IL1RAPL2: variants seen among roughly 807,000 people sequenced by gnomAD.
The protein encoded by IL1RAPL2 is interleukin 1 receptor accessory protein like 2.
Under a neutral mutation model 44.1 loss-of-function variants are expected in IL1RAPL2, and 3 were observed. The observed-to-expected ratio is 0.07, with a 90% CI of 0.03 to 0.18. IL1RAPL2 has a LOEUF of 0.18. Ranked by LOEUF, IL1RAPL2 falls within the 10% of genes least tolerant of loss-of-function variation. IL1RAPL2 has a pLI of 1.00. For missense variants in IL1RAPL2, 391 were observed against 496.4 expected (o/e 0.79, Z 2.02); for synonymous variants, 181 against 178.8 (o/e 1.01, Z -0.10).
chrX:105,647,760 A>G (rs1439172826), intron 6 of IL1RAPL2, among the ~76,000 whole-genome samples: 2 of 112,433 alleles, frequency 1.8e-5, no homozygotes, highest in Non-Finnish European at 3.7e-5. Flanking sequence ...TCTCCTCAAT[A>G]GTCACAACAG....
chrX:105,681,762 A>C (rs1280830223), intron 6 of IL1RAPL2, among the ~76,000 whole-genome samples: 1 of 112,011 alleles, frequency 8.9e-6, no homozygotes, highest in Admixed American at 9.4e-5. Flanking sequence ...TGTCTCAAAA[A>C]AAAAAAATTA....
intron 2 of IL1RAPL2, among the ~76,000 whole-genome samples, chrX:104,976,182 C>G (rs1569354454): frequency 9.0e-6 from 1 of 111,471 alleles, no homozygotes; most frequent in African/African-American, 3.3e-5. Context: ...TTCTTTTTCT[C>G]TAAGCTGAAT....
chrX:104,672,046 C>T (rs1930615394), intron 2 of IL1RAPL2, among the ~76,000 whole-genome samples: 1 of 111,683 alleles, frequency 9.0e-6, no homozygotes, highest in African/African-American at 3.3e-5. Flanking sequence ...GTGGTATGAA[C>T]TAGCTAAGAA....
At chrX:104,606,517 G>A (rs1929015766) in intron 1 of IL1RAPL2, among the ~76,000 whole-genome samples, 1 of 111,806 alleles carries the variant, frequency 8.9e-6, no homozygotes, top group Non-Finnish European at 1.9e-5. Context: ...TAGGAAGGGA[G>A]GAATTCAAAT....
intron 6 of IL1RAPL2, among the ~76,000 whole-genome samples, chrX:105,516,738 C>T (rs2036517490): frequency 8.9e-6 from 1 of 111,928 alleles, no homozygotes; most frequent in South Asian, 3.7e-4. Context: ...CACTAAAACA[C>T]TTTTTATCAC....
At chrX:105,352,998 T>C (rs2035169119) in intron 5 of IL1RAPL2, among the ~76,000 whole-genome samples, 1 of 111,356 alleles carries the variant, frequency 9.0e-6, no homozygotes, top group Non-Finnish European at 1.9e-5. Context: ...TGTCATGAAG[T>C]CCTTGCCCAT....
intron 6 of IL1RAPL2, among the ~76,000 whole-genome samples, chrX:105,630,214 A>G (rs955153151): frequency 9.0e-6 from 1 of 111,324 alleles, no homozygotes; most frequent in Non-Finnish European, 1.9e-5. Flanking sequence ...TGACCTTCCT[A>G]TTGAGAGTAA....
intron 2 of IL1RAPL2, among the ~76,000 whole-genome samples, chrX:104,682,904 AT>A (rs1172273989): frequency 9.0e-6 from 1 of 111,440 alleles, no homozygotes; most frequent in East Asian, 2.8e-4. Flanking sequence ...AAAGGGTTTT[AT>A]TTTTTTAAGG....
At chrX:105,441,339 A>G (rs1335553083) in intron 5 of IL1RAPL2, among the ~76,000 whole-genome samples, 1 of 111,852 alleles carries the variant, frequency 8.9e-6, no homozygotes, top group Non-Finnish European at 1.9e-5. Flanking sequence ...GTAGGGGAGA[A>G]AATATAAGAG....
At chrX:105,242,638 A>G (rs1196434070) in intron 4 of IL1RAPL2, among the ~76,000 whole-genome samples, 1 of 111,844 alleles carries the variant, frequency 8.9e-6, no homozygotes, top group Non-Finnish European at 1.9e-5. Flanking sequence ...TCTCATAAGC[A>G]GAGAGCAAGA....
intron 1 of IL1RAPL2, among the ~76,000 whole-genome samples, chrX:104,637,623 T>C: frequency 9.0e-6 from 1 of 111,475 alleles, no homozygotes. Context: ...CTTATTGATT[T>C]GTGTATGCTG....
intron 2 of IL1RAPL2, among the ~76,000 whole-genome samples, chrX:104,939,706 A>G (rs1260872153): frequency 2.7e-5 from 3 of 112,042 alleles, no homozygotes; most frequent in African/African-American, 9.7e-5. Context: ...GTGTCTATCA[A>G]CAGATGAATG....
At chrX:104,766,020 G>C (rs1352986273) in intron 2 of IL1RAPL2, among the ~76,000 whole-genome samples, 1 of 112,196 alleles carries the variant, frequency 8.9e-6, no homozygotes, top group Non-Finnish European at 1.9e-5. Flanking sequence ...TCCAGGCCTT[G>C]TTTTTAGATA....
intron 2 of IL1RAPL2, among the ~76,000 whole-genome samples, chrX:104,790,999 C>T (rs1326658572): frequency 1.8e-5 from 2 of 111,723 alleles, no homozygotes; most frequent in Non-Finnish European, 3.8e-5. Flanking sequence ...CTCATATCAT[C>T]CTCATAACAA....
chrX:105,511,257 T>C, intron 6 of IL1RAPL2, among the ~76,000 whole-genome samples: 1 of 111,884 alleles, frequency 8.9e-6, no homozygotes, highest in Middle Eastern at 4.6e-3. Flanking sequence ...ATAACAATTT[T>C]CTATCACATC....
chrX:105,244,838 G>A (rs992561272), intron 4 of IL1RAPL2, among the ~76,000 whole-genome samples: 3 of 112,368 alleles, frequency 2.7e-5, no homozygotes, highest in Non-Finnish European at 5.6e-5. Flanking sequence ...CAGTGCAGCC[G>A]TGTGTTAGAA....
At chrX:105,732,910 G>T (rs988932522) in intron 7 of IL1RAPL2, among the ~76,000 whole-genome samples, 1 of 111,247 alleles carries the variant, frequency 9.0e-6, no homozygotes, top group East Asian at 2.8e-4. Flanking sequence ...TTGCCTGTTA[G>T]ATACGGAATA....
intron 6 of IL1RAPL2, among the ~76,000 whole-genome samples, chrX:105,580,362 G>GT (rs149950677): frequency 0.044 from 3,737 of 84,524 alleles, 245 homozygotes; most frequent in African/African-American, 0.092. Flanking sequence ...AACCCCCCGT[G>GT]TTTTTTTTTT....
intron 2 of IL1RAPL2, among the ~76,000 whole-genome samples, chrX:104,863,645 T>TG (rs1414835923): frequency 5.4e-5 from 6 of 112,124 alleles, no homozygotes; most frequent in Non-Finnish European, 1.1e-4. Context: ...CAAAAGCTCA[T>TG]GGAACAGCTG....
Sources: allele counts gnomAD v4.1 joint callset (sites outside exome capture counted in the v4.1 genomes callset), GRCh38; gene constraint gnomAD v4.1.1; transcripts MANE v1.5; gene names NCBI Gene and HGNC (gene_info 2026-07-23, HGNC 2026-07-21).